The following GNPDA2 variants were observed in gnomAD, a reference collection of about 807,000 sequenced individuals.
The protein encoded by GNPDA2 is glcN6P deaminase 2.
A neutral mutation model predicts 27.0 loss-of-function variants in GNPDA2; 24 were observed. The ratio of observed to expected loss-of-function variants is 0.89; its 90% confidence interval spans 0.64 to 1.25. The LOEUF is 1.25. Ranked by LOEUF, GNPDA2 falls within the 50% of genes most tolerant of loss-of-function variation. GNPDA2 has a pLI of 0.00. For missense variants in GNPDA2, 286 were observed against 335.1 expected, an observed-to-expected ratio of 0.85 and a Z score of 1.14; for synonymous variants, 94 against 108.4, an observed-to-expected ratio of 0.87 and a Z score of 0.83.
chr4:44,703,493 T>C (rs1039483245), intron 6 of GNPDA2: 74 of 1,009,994 alleles, frequency 7.3e-5, no homozygotes, highest in Non-Finnish European at 8.4e-5. Flanking sequence ...TATGTTGATA[T>C]TGATCCTCTG....
At chr4:44,721,826 GAAC>G (rs964844670) in intron 2 of GNPDA2, among the ~76,000 whole-genome samples, 5 of 151,970 alleles carry the variant, frequency 3.3e-5, no homozygotes, top group African/African-American at 1.2e-4. Context: ...CAAAAAATAT[GAAC>G]AACACTTAAG....
At chr4:44,724,028 GGT>G (rs1419912868) in intron 1 of GNPDA2, among the ~76,000 whole-genome samples, 3 of 152,164 alleles carry the variant, frequency 2.0e-5, no homozygotes, top group South Asian at 2.1e-4. Flanking sequence ...TCTGAGAGGT[GGT>G]GGAAGGCAGT....
intron 4 of GNPDA2, 78 bp downstream of exon 4, chr4:44,717,035 G>C (rs550640600): frequency 9.9e-7 from 1 of 1,011,938 alleles, no homozygotes; most frequent in East Asian, 2.5e-5. Flanking sequence ...TTACACAATG[G>C]GAAGATTTAT....
At chr4:44,722,349 CTGA>C (rs750585458) in intron 1 of GNPDA2, 107 bp from the exon 2 acceptor site, 1 of 776,984 alleles carries the variant, frequency 1.3e-6, no homozygotes, top group South Asian at 2.1e-5. Context: ...ACAGAATATA[CTGA>C]TGATTTTTAA....
At chr4:44,713,535 A>G (rs1029979103) in intron 4 of GNPDA2, among the ~76,000 whole-genome samples, 9 of 152,162 alleles carry the variant, frequency 5.9e-5, no homozygotes, top group Non-Finnish European at 1.3e-4. Flanking sequence ...CATGCAACCA[A>G]ATCAGAAGGT....
intron 1 of GNPDA2, among the ~76,000 whole-genome samples, chr4:44,725,728 G>A (rs929719289): frequency 1.3e-5 from 2 of 151,782 alleles, no homozygotes; most frequent in African/African-American, 4.8e-5. Flanking sequence ...AATCCTCAGA[G>A]ATCCAAACTA....
chr4:44,712,632 A>T (rs1035135099), intron 4 of GNPDA2, among the ~76,000 whole-genome samples: 1 of 152,066 alleles, frequency 6.6e-6, no homozygotes, highest in Non-Finnish European at 1.5e-5. Context: ...ATTTCTCTAT[A>T]TATGTGTAGA....
In GNPDA2 at chr4:44,707,929, G is replaced by T; in HGVS notation, c.595-3C>A. On this transcript the variant is annotated splice_polypyrimidine_tract_variant and splice_region_variant and intron_variant, in intron 5 of 6. Coordinates refer to ENST00000295448, the MANE Select transcript of GNPDA2 (RefSeq NM_138335.3). The stretch of plus-strand genomic sequence containing the variant: ...GCCCCTGTTATAAGGATCATTACCT[G>T]AAAAATTATGAACATCAATTGTTAA... 1 of 1,553,190 alleles carries T rather than the reference G, an allele frequency of 6.4e-7. No individual in the cohort carries two copies. Among genetic ancestry groups the T allele is most frequent in the East Asian group, 2.3e-5 (1 of 43,600 alleles).
In GNPDA2 at chr4:44,706,542, T is replaced by C. The variant is rs1042988418; in HGVS notation, c.769+1210A>G. 2.0e-5 allele frequency: 3 copies of C among 151,978 alleles called. No homozygotes were observed. The East Asian group carries it at 5.8e-4, about 29-fold the overall frequency. 9.4% of individuals were successfully genotyped at this position (151,978 alleles called of 1,614,324 possible). The stretch of plus-strand genomic sequence containing the variant: ...AAGATATTTGCCATATTCACACATA[T>C]ACATGAAATATGAGTTGGTTTTCTT... On this transcript the variant is annotated intron_variant, in intron 6 of 6. Transcript: ENST00000295448.
rs141733877 is a variant in GNPDA2 at position 44,722,112 on chromosome 4, G to A, written c.96C>T (p.Asp32=). The change falls in exon 2 of 7, where the codon GAC becomes GAT. Residue 32 remains aspartate, a synonymous_variant. Transcript: ENST00000295448. ...TTGGTAAACCCAGTGTAAAATATCT[G>A]TCCTGTCCAGGTTTGAACTGAATGA... is the stretch of plus-strand genomic sequence containing the variant. ...NRIIQFKPGQ[D]RYFTLGLPTG... is the part of the protein sequence containing the mutation. 3,369 of 1,612,796 alleles carry A rather than the reference G, an allele frequency of 2.1e-3. 10 individuals are homozygous for A. The highest frequency in any genetic ancestry group is 2.1e-3 in the Non-Finnish European group (2,419 of 1,179,130).
chr4:44,706,297 C>T (rs916814249), intron 6 of GNPDA2: 4 of 108,038 alleles, frequency 3.7e-5, no homozygotes, highest in African/African-American at 5.5e-5. Context: ...ATATAAATGA[C>T]TAGAAATAAT....
chr4:44,726,111 GCAGATTC>G (rs1265657518), intron 1 of GNPDA2, among the ~76,000 whole-genome samples: 1 of 152,200 alleles, frequency 6.6e-6, no homozygotes, highest in East Asian at 1.9e-4. Flanking sequence ...GGCGGGGGCT[GCAGATTC>G]CCCTCAGCTG....
chr4:44,716,674 CAATT>C (rs1560362002), intron 4 of GNPDA2, among the ~76,000 whole-genome samples: 2 of 151,732 alleles, frequency 1.3e-5, no homozygotes. Context: ...TAAGATGAAA[CAATT>C]AAAGTAATCT....
intron 6 of GNPDA2, chr4:44,704,864 A>C: frequency 3.0e-6 from 3 of 984,252 alleles, no homozygotes; most frequent in Non-Finnish European, 3.6e-6. Context: ...TAAGAGAAAA[A>C]AATTCATGAT....
intron 3 of GNPDA2, 71 bp from the exon 4 acceptor site, chr4:44,717,366 A>AT (rs1484414734): frequency 8.6e-6 from 7 of 818,146 alleles, no homozygotes; most frequent in Non-Finnish European, 1.3e-5. Flanking sequence ...TTTTTAAGTC[A>AT]TAAGTGCTAT....
intron 1 of GNPDA2, among the ~76,000 whole-genome samples, chr4:44,726,053 C>G (rs754940843): frequency 3.9e-5 from 6 of 152,136 alleles, no homozygotes; most frequent in Non-Finnish European, 8.8e-5. Context: ...GGGACCGACC[C>G]GAGGAGGGAC....
At chr4:44,722,826 C>A (rs568467092) in intron 1 of GNPDA2, among the ~76,000 whole-genome samples, 413 of 152,260 alleles carry the variant, frequency 2.7e-3, no homozygotes, top group Non-Finnish European at 4.1e-3. Flanking sequence ...TTAATCCTTA[C>A]AACCATCTTG....
intron 6 of GNPDA2, chr4:44,704,569 TATTA>T: frequency 1.4e-6 from 1 of 739,320 alleles, no homozygotes; most frequent in Non-Finnish European, 1.7e-6. Flanking sequence ...TTGAAAATTC[TATTA>T]ATTGCTTTTT....
intron 4 of GNPDA2, chr4:44,714,510 A>AT (rs1032392315): frequency 4.1e-6 from 4 of 985,220 alleles, no homozygotes; most frequent in Non-Finnish European, 4.8e-6. Flanking sequence ...AGCTCTTCTC[A>AT]TTCTACTGTT....
Sources: gnomAD v4.1 joint callset for allele counts (sites outside exome capture counted in the v4.1 genomes callset) on GRCh38, gnomAD v4.1.1 for gene constraint, MANE v1.5 for transcripts, NCBI Gene and HGNC (gene_info 2026-07-23, HGNC 2026-07-21) for gene names.